The following VWF variants were observed in gnomAD, a reference collection of about 807,000 sequenced individuals.
VWF encodes von Willebrand factor.
A neutral mutation model predicts 308.6 loss-of-function variants in VWF; 176 were observed. That is an observed-to-expected ratio of 0.57 (90% CI 0.50 to 0.65). The LOEUF is 0.65. VWF is among the 30% of genes least tolerant of loss of function. VWF has a pLI of 0.00. For synonymous variants in VWF, 1,385 were observed against 1,443.4 expected, an observed-to-expected ratio of 0.96 and a Z score of 0.92; for missense variants, 3,146 against 3,648.2, an observed-to-expected ratio of 0.86 and a Z score of 3.55.
At chr12:6,054,351 G>A (rs144766827) in intron 15 of VWF, among the ~76,000 whole-genome samples, 93 of 152,296 alleles carry the variant, frequency 6.1e-4, no homozygotes, top group Non-Finnish European at 1.1e-3. Context: ...GTTAAGACAG[G>A]ATGTGTTAGA....
intron 10 of VWF, among the ~76,000 whole-genome samples, chr12:6,069,835 C>CTGTA (rs1944761514): frequency 6.6e-6 from 1 of 152,212 alleles, no homozygotes; most frequent in Non-Finnish European, 1.5e-5. Context: ...GACCAGAGGA[C>CTGTA]TGTATTGTCT....
In VWF at chr12:6,058,521, G is replaced by A. The variant is rs1311354089; in HGVS notation, c.1534-477C>T. Among the ~76,000 whole-genome samples, 2 of 152,184 alleles carry A rather than the reference G, an allele frequency of 1.3e-5. No individual in the cohort carries two copies. The highest frequency in any genetic ancestry group is 4.8e-5 in the African/African-American group (2 of 41,456). On this transcript the variant is annotated intron_variant, in intron 13 of 51. Transcript: ENST00000261405. This position sits in a 1 kb window ranked among gnomAD's most constrained non-coding sequence, Gnocchi z 4.9. ...AGAAAGACTTCGCGTTGGTCACTCG[G>A]TGTGGGCCCAGCAGGCTGCCAGGTG... is the stretch of plus-strand genomic sequence containing the variant.
chr12:6,095,429 T>A, intron 6 of VWF, 31 bp downstream of exon 6: 1 of 1,613,726 alleles, frequency 6.2e-7, no homozygotes, highest in Non-Finnish European at 8.5e-7. Context: ...TCACACACCA[T>A]CCAGGTGCAC....
intron 37 of VWF, among the ~76,000 whole-genome samples, chr12:5,993,574 C>G (rs1333760103): frequency 6.6e-6 from 1 of 151,106 alleles, no homozygotes; most frequent in Non-Finnish European, 1.5e-5. Flanking sequence ...AAGGACCATG[C>G]ATTAATTTAC....
At chr12:6,070,167 G>A (rs2136468244) in intron 10 of VWF, among the ~76,000 whole-genome samples, 1 of 152,340 alleles carries the variant, frequency 6.6e-6, no homozygotes, top group Non-Finnish European at 1.5e-5. Flanking sequence ...GTTCAGTGGA[G>A]CACAGATATC....
Position 5,967,557 on chromosome 12 carries a change from T to C in VWF, c.7816A>G (p.Met2606Val), listed in dbSNP as rs1943418122. 1 of 1,614,130 alleles carries C rather than the reference T, an allele frequency of 6.2e-7. No homozygotes were observed. Among genetic ancestry groups the C allele is most frequent in the Non-Finnish European group, 8.5e-7 (1 of 1,180,028 alleles). ...CCAGAGATGACCCCCACCTGCACCA[T>C]GCAGCGGCAGGTCGTGCACACATCG... ...MIDVCTTCRCMVQVGVISGFK... is the reference protein window; with the variant it reads ...MIDVCTTCRCVVQVGVISGFK... The change falls in exon 47 of 52, where the codon ATG (methionine) becomes GTG (valine). Residue 2606 changes from methionine to valine, a missense_variant. Physicochemically the swap from Met to Val is conservative, Grantham distance 21 (BLOSUM62 1). This residue lies in a region of VWF where 989 missense variants were observed against 1,117.4 expected (regional missense o/e 0.89). Transcript: ENST00000261405.
At chr12:6,039,222 A>G (rs1302355303) in intron 18 of VWF, among the ~76,000 whole-genome samples, 1 of 152,194 alleles carries the variant, frequency 6.6e-6, no homozygotes, top group African/African-American at 2.4e-5. Context: ...GCCTGGCAAA[A>G]ATACTCGTCC....
intron 14 of VWF, 28 bp downstream of exon 14, chr12:6,057,821 T>C: frequency 6.3e-7 from 1 of 1,587,342 alleles, no homozygotes; most frequent in Non-Finnish European, 8.6e-7. Flanking sequence ...TTCTGCGAGG[T>C]CCCTGCCTTG....
chr12:6,119,341 G>C (rs764935626), intron 3 of VWF, among the ~76,000 whole-genome samples: 1 of 152,240 alleles, frequency 6.6e-6, no homozygotes, highest in Non-Finnish European at 1.5e-5. Flanking sequence ...CCAGTGATCT[G>C]TTTGTCACAG....
chr12:5,977,367 G>C (rs1389266840), intron 42 of VWF, among the ~76,000 whole-genome samples: 1 of 152,104 alleles, frequency 6.6e-6, no homozygotes, highest in Non-Finnish European at 1.5e-5. Context: ...ACAAAACTAT[G>C]GTGCTGCCAT....
intron 38 of VWF, among the ~76,000 whole-genome samples, chr12:5,991,165 TCTCA>T (rs1247349385): frequency 5.6e-3 from 495 of 88,304 alleles, no homozygotes; most frequent in African/African-American, 0.019. Flanking sequence ...CCCAAGGGAT[TCTCA>T]CACACACACA....
chr12:6,065,314 G>C, intron 10 of VWF, 41 bp from the exon 11 acceptor site: 15 of 1,612,346 alleles, frequency 9.3e-6, no homozygotes, highest in Non-Finnish European at 1.3e-5. Context: ...GGGAGGTGAG[G>C]GCACTTCCCC....
intron 40 of VWF, among the ~76,000 whole-genome samples, chr12:5,984,629 A>G (rs960522405): frequency 1.3e-5 from 2 of 152,246 alleles, no homozygotes; most frequent in African/African-American, 4.8e-5. Context: ...CACTATTCAC[A>G]GAGCAGCCTG....
At chr12:6,013,009 A>G (rs1944016251) in intron 32 of VWF, among the ~76,000 whole-genome samples, 1 of 152,092 alleles carries the variant, frequency 6.6e-6, no homozygotes, top group Non-Finnish European at 1.5e-5. Flanking sequence ...CCAAAAGCAT[A>G]TTTTTTAAGT....
chr12:6,010,622 T>A (rs1186967889), intron 34 of VWF, among the ~76,000 whole-genome samples: 1 of 152,216 alleles, frequency 6.6e-6, no homozygotes, highest in African/African-American at 2.4e-5. Context: ...TAAACGCACA[T>A]CCATAGAAGA....
chr12:5,972,870 CAG>C (rs1261011787), intron 43 of VWF, among the ~76,000 whole-genome samples: 2 of 152,158 alleles, frequency 1.3e-5, no homozygotes, highest in African/African-American at 4.8e-5. Flanking sequence ...AACAAGGTCT[CAG>C]GGGGTCAGAA....
intron 21 of VWF, among the ~76,000 whole-genome samples, chr12:6,031,137 T>A (rs1175593729): frequency 6.6e-6 from 1 of 151,974 alleles, no homozygotes; most frequent in Non-Finnish European, 1.5e-5. Flanking sequence ...CCGGCTACCC[T>A]CCAGTCCCCA....
chr12:6,095,300 T>C lies in VWF; in HGVS notation c.657+160A>G, dbSNP rs1945093427. On this transcript the variant is annotated intron_variant, in intron 6 of 51. Transcript: ENST00000261405. The stretch of plus-strand genomic sequence containing the variant: ...CATTTTTAGAGCTTCAGGCTCGAGA[T>C]GTATTAGAATTAGACTCTAGCCACA... 5 of 1,114,140 alleles carry C rather than the reference T, an allele frequency of 4.5e-6. No homozygotes were observed. In the Admixed American group the frequency reaches 5.1e-5, roughly 11 times the overall value. 69.0% of individuals were successfully genotyped at this position (1,114,140 alleles called of 1,614,324 possible).
intron 22 of VWF, among the ~76,000 whole-genome samples, chr12:6,028,593 G>A (rs932189546): frequency 2.0e-5 from 3 of 152,114 alleles, no homozygotes; most frequent in Admixed American, 6.5e-5. Context: ...GAAGAGAGGG[G>A]GGGACCAATA....
Sources: allele counts gnomAD v4.1 joint callset (sites outside exome capture counted in the v4.1 genomes callset), GRCh38; gene constraint gnomAD v4.1.1; regional missense constraint gnomAD v4.1.1; non-coding constraint Gnocchi (gnomAD v3.1); transcripts MANE v1.5; gene names NCBI Gene and HGNC (gene_info 2026-07-23, HGNC 2026-07-21).